Variants in CFAP54 observed in about 807,000 individuals in gnomAD.
The protein encoded by CFAP54 is cilia- and flagella-associated protein 54.
CFAP54 carries 290 observed loss-of-function variants against 370.4 expected under a neutral mutation model. The observed-to-expected ratio is 0.78, with a 90% confidence interval of 0.71 to 0.86. The LOEUF (loss-of-function observed/expected upper bound fraction) is 0.86. Among genes scored for constraint, CFAP54 ranks in the 40% least tolerant of loss-of-function variants. The pLI is 0.00. For synonymous variants in CFAP54, 1,206 were observed against 1,236.5 expected, an observed-to-expected ratio of 0.98 and a Z score of 0.52; for missense variants, 3,399 against 3,528.7, an observed-to-expected ratio of 0.96 and a Z score of 0.93.
At chr12:96,803,482 T>G (rs1047691608) in intron 63 of CFAP54, among the ~76,000 whole-genome samples, 12 of 151,836 alleles carry the variant, frequency 7.9e-5, no homozygotes, top group Non-Finnish European at 1.5e-5. Context: ...CTCTGAGGCT[T>G]AAAAACAAGC....
At chr12:96,861,790 A>T (rs1360631121) in intron 67 of CFAP54, among the ~76,000 whole-genome samples, 1 of 152,214 alleles carries the variant, frequency 6.6e-6, no homozygotes, top group African/African-American at 2.4e-5. Flanking sequence ...CTGATGTAAT[A>T]ATAGAGTGCT....
At chr12:96,550,512 G>C (rs899710818) in intron 15 of CFAP54, among the ~76,000 whole-genome samples, 1 of 152,174 alleles carries the variant, frequency 6.6e-6, no homozygotes, top group Admixed American at 6.5e-5. Flanking sequence ...GGGAGGCGGA[G>C]GTTGCAGTGA....
At chr12:96,542,358 A>G (rs1161943950) in intron 14 of CFAP54, among the ~76,000 whole-genome samples, 1 of 152,214 alleles carries the variant, frequency 6.6e-6, no homozygotes. Context: ...TTTGATATAG[A>G]TCAAAGTTTG....
chr12:96,572,931 T>C (rs1358219699), intron 19 of CFAP54: 1 of 985,294 alleles, frequency 1.0e-6, no homozygotes, highest in African/African-American at 1.7e-5. Flanking sequence ...AGAAAGAAGA[T>C]GCAAGAATTA....
At chr12:96,614,267 T>G (rs1288018375) in intron 26 of CFAP54, among the ~76,000 whole-genome samples, 2 of 152,182 alleles carry the variant, frequency 1.3e-5, no homozygotes, top group East Asian at 3.8e-4. Flanking sequence ...AAAAATCACA[T>G]GATTATCTCA....
At chr12:96,817,936 A>G (rs1462904646) in intron 65 of CFAP54, 23 bp downstream of exon 65, 12 of 1,422,186 alleles carry the variant, frequency 8.4e-6, no homozygotes, top group Non-Finnish European at 9.3e-6. Flanking sequence ...ATAATGGAAA[A>G]TGACATTGCT....
intron 32 of CFAP54, among the ~76,000 whole-genome samples, chr12:96,639,405 A>G (rs917646506): frequency 6.6e-6 from 1 of 152,270 alleles, no homozygotes; most frequent in Non-Finnish European, 1.5e-5. Flanking sequence ...TGAATAGACG[A>G]ATAACAGGCT....
intron 22 of CFAP54, among the ~76,000 whole-genome samples, chr12:96,587,326 C>A (rs758542709): frequency 4.0e-5 from 6 of 151,590 alleles, no homozygotes; most frequent in Non-Finnish European, 5.9e-5. Context: ...CAGAGTGAAC[C>A]CTGGGGCATA....
intron 19 of CFAP54, among the ~76,000 whole-genome samples, chr12:96,575,892 C>T (rs1484842057): frequency 6.6e-6 from 1 of 152,022 alleles, no homozygotes; most frequent in Non-Finnish European, 1.5e-5. Context: ...ACTTAGAGCT[C>T]AGTTAGAGAG....
chr12:96,507,027 A>G lies in CFAP54; in HGVS notation c.667A>G (p.Ile223Val). The G allele has an allele frequency of 6.5e-7, 1 of 1,536,022 alleles. No individual in the cohort carries two copies. Among genetic ancestry groups the G allele is most frequent in the Non-Finnish European group, 8.7e-7 (1 of 1,146,836 alleles). ...AGAATCTGTGGTCCAGTGTCTGCAT[A>G]TCTTGTCCTCCTTAAGGCTCATCAT... The part of the protein sequence containing the change: ...NKESVVQCLH[I>V]LSSLRLIMQV... The change falls in exon 4 of 68, where the codon ATC (isoleucine) becomes GTC (valine). Residue 223 changes from isoleucine to valine, a missense_variant. Coordinates refer to ENST00000524981, the MANE Select transcript of CFAP54 (RefSeq NM_001306084.2).
chr12:96,641,726 C>T (rs947377962), intron 32 of CFAP54, among the ~76,000 whole-genome samples: 8 of 152,198 alleles, frequency 5.3e-5, no homozygotes, highest in Non-Finnish European at 1.2e-4. Context: ...GGCACATATA[C>T]ACCATGGAAT....
chr12:96,592,419 T>G (rs989663042), intron 23 of CFAP54, 71 bp from the exon 24 acceptor site: 1 of 384,884 alleles, frequency 2.6e-6, no homozygotes, highest in African/African-American at 2.1e-5. Flanking sequence ...TGAGAACAAA[T>G]CAATGTAAAA....
chr12:96,763,492 T>C (rs554735341), intron 58 of CFAP54, among the ~76,000 whole-genome samples: 1 of 152,266 alleles, frequency 6.6e-6, no homozygotes, highest in South Asian at 2.1e-4. Context: ...TAAGATGCCA[T>C]TTTTGGATGG....
chr12:96,538,616 G>A, intron 13 of CFAP54, 98 bp downstream of exon 13: 3 of 1,221,246 alleles, frequency 2.5e-6, no homozygotes, highest in Non-Finnish European at 2.3e-6. Flanking sequence ...TTTTTCACCT[G>A]GTTAATGACT....
chr12:96,684,084 G>A (rs1377408049), intron 40 of CFAP54, among the ~76,000 whole-genome samples: 2 of 152,166 alleles, frequency 1.3e-5, no homozygotes, highest in Non-Finnish European at 2.9e-5. Flanking sequence ...GAGCTACCTT[G>A]CCTGTCCAAT....
At chr12:96,603,583 C>G (rs1190280802) in intron 26 of CFAP54, among the ~76,000 whole-genome samples, 1 of 152,216 alleles carries the variant, frequency 6.6e-6, no homozygotes, top group East Asian at 1.9e-4. Flanking sequence ...CCGTCACTAT[C>G]AGGTACACCA....
intron 66 of CFAP54, among the ~76,000 whole-genome samples, chr12:96,849,073 T>C (rs1484023432): frequency 6.6e-6 from 1 of 152,214 alleles, no homozygotes; most frequent in Non-Finnish European, 1.5e-5. Context: ...AGTAAGCTCG[T>C]GTCATATTAT....
intron 3 of CFAP54, among the ~76,000 whole-genome samples, chr12:96,505,589 G>A (rs772290377): frequency 1.4e-5 from 2 of 146,478 alleles, no homozygotes; most frequent in Admixed American, 7.1e-5. Flanking sequence ...TGCAGCCTCC[G>A]CCTCCTGGGC....
chr12:96,646,655 A>G (rs1363882632), intron 33 of CFAP54: 1 of 152,364 alleles, frequency 6.6e-6, no homozygotes, highest in Non-Finnish European at 1.5e-5. Flanking sequence ...ATGCACAAAT[A>G]TGTTTATCAC....
Sources: gnomAD v4.1 joint callset for allele counts (sites outside exome capture counted in the v4.1 genomes callset) on GRCh38, gnomAD v4.1.1 for gene constraint, MANE v1.5 for transcripts, NCBI Gene and HGNC (gene_info 2026-07-23, HGNC 2026-07-21) for gene names.